FAM120B: variants seen among roughly 807,000 people sequenced by gnomAD.
The protein encoded by FAM120B is family with sequence similarity 120 member B.
Under a neutral mutation model 96.3 loss-of-function variants are expected in FAM120B, and 83 were observed. The observed-to-expected ratio is 0.86, with a 90% CI of 0.72 to 1.03. FAM120B has a LOEUF of 1.03. Ranked by LOEUF, FAM120B falls within the 50% of genes least tolerant of loss-of-function variation. The pLI, the probability that FAM120B is intolerant of heterozygous loss-of-function variation, is 0.00. For synonymous variants in FAM120B, 407 were observed against 402.7 expected (o/e 1.01, Z -0.13); for missense variants, 1,027 against 1,121.2 (o/e 0.92, Z 1.20).
intron 9 of FAM120B, among the ~76,000 whole-genome samples, chr6:170,400,544 C>T (rs1331869793): frequency 2.6e-5 from 4 of 152,152 alleles, no homozygotes; most frequent in Non-Finnish European, 4.4e-5. Context: ...CTTAGGGGAT[C>T]CCTGGACCAC....
Position 170,295,500 on chromosome 6 carries a change from C to T in FAM120B, c.48+47C>T. 1.4e-6 allele frequency: 1 copy of T among 691,932 alleles called. No individual in the cohort carries two copies. The highest frequency in any genetic ancestry group is 2.6e-6 in the Non-Finnish European group (1 of 379,920). 42.9% of individuals were successfully genotyped at this position (691,932 alleles called of 1,614,324 possible). A position where few individuals can be genotyped will look rare whatever the true frequency, so the allele number is the denominator to read the frequency against. ...ACAAGGCGCGCGGCCCCCAGGCAGCCGCGCTTCCACAGCGGGCAGGAGCGC... is the reference window on the plus strand; with the variant it reads ...ACAAGGCGCGCGGCCCCCAGGCAGCTGCGCTTCCACAGCGGGCAGGAGCGC... On this transcript the variant is annotated intron_variant, in intron 1 of 10. Transcript: ENST00000537664. The surrounding 1 kb of genome is among the most constrained non-coding windows in gnomAD (Gnocchi z 7.8).
intron 1 of FAM120B, among the ~76,000 whole-genome samples, chr6:170,296,473 G>A (rs1055474034): frequency 6.6e-6 from 1 of 151,820 alleles, no homozygotes; most frequent in African/African-American, 2.4e-5. Context: ...GGGCCCTCCC[G>A]GTGGACCCCA....
intron 4 of FAM120B, among the ~76,000 whole-genome samples, chr6:170,341,702 C>G (rs147054499): frequency 0.019 from 2,917 of 152,244 alleles, 99 homozygotes; most frequent in African/African-American, 0.067. Flanking sequence ...TGGATAGCAC[C>G]ATCCCTCATG....
At chr6:170,398,160 A>G (rs1278603669) in intron 9 of FAM120B, among the ~76,000 whole-genome samples, 2 of 152,174 alleles carry the variant, frequency 1.3e-5, no homozygotes, top group Non-Finnish European at 2.9e-5. Flanking sequence ...CACTGATGGG[A>G]CTCATCGCCA....
chr6:170,338,302 C>G (rs769158985), intron 4 of FAM120B, among the ~76,000 whole-genome samples: 1 of 152,184 alleles, frequency 6.6e-6, no homozygotes, highest in South Asian at 2.1e-4. Context: ...AGTAGTCATT[C>G]AGGAGCAGGC....
chr6:170,333,999 T>C (rs775304741), intron 4 of FAM120B, among the ~76,000 whole-genome samples: 8 of 152,190 alleles, frequency 5.3e-5, no homozygotes, highest in Non-Finnish European at 1.0e-4. Flanking sequence ...TTACTAACTT[T>C]CCTGACGTTC....
At chr6:170,316,652 A>G (rs1333001372) in intron 1 of FAM120B, among the ~76,000 whole-genome samples, 1 of 152,226 alleles carries the variant, frequency 6.6e-6, no homozygotes, top group Non-Finnish European at 1.5e-5. Flanking sequence ...CATTTGGCAT[A>G]GTGAATTTTA....
intron 6 of FAM120B, among the ~76,000 whole-genome samples, chr6:170,386,859 A>G (rs1790216096): frequency 6.6e-6 from 1 of 152,238 alleles, no homozygotes; most frequent in Non-Finnish European, 1.5e-5. Flanking sequence ...ATACTAACAA[A>G]TCAAATCCAG....
intron 6 of FAM120B, among the ~76,000 whole-genome samples, chr6:170,369,688 A>AG (rs201820627): frequency 7.2e-6 from 1 of 139,022 alleles, no homozygotes. Flanking sequence ...AACTTAGGGT[A>AG]GTTTTTTTTT....
intron 8 of FAM120B, among the ~76,000 whole-genome samples, chr6:170,393,031 G>A (rs2115324328): frequency 6.6e-6 from 1 of 152,192 alleles, no homozygotes; most frequent in Admixed American, 6.5e-5. Context: ...TCAGAAGTTT[G>A]CGCCGTGGCT....
intron 4 of FAM120B, among the ~76,000 whole-genome samples, chr6:170,333,610 T>G (rs1786215779): frequency 6.6e-6 from 1 of 151,188 alleles, no homozygotes; most frequent in African/African-American, 2.4e-5. Flanking sequence ...CTCCGCCTCC[T>G]GAGTAGCTGG....
chr6:170,303,933 A>G (rs550267837), upstream of FAM120B, among the ~76,000 whole-genome samples: 10 of 152,358 alleles, frequency 6.6e-5, no homozygotes, highest in African/African-American at 2.4e-4. Context: ...ATATTCATCC[A>G]TAACAGGCAT....
upstream of FAM120B, chr6:170,290,938 C>A (rs993375373): frequency 4.3e-6 from 3 of 698,744 alleles, no homozygotes; most frequent in African/African-American, 5.2e-5. The surrounding 1 kb of genome is among the most constrained non-coding windows in gnomAD (Gnocchi z 4.7). Context: ...TGGCTCTCGC[C>A]GGCGCCTGCC....
At chr6:170,354,177 T>C (rs1278990855) in intron 5 of FAM120B, among the ~76,000 whole-genome samples, 4 of 152,168 alleles carry the variant, frequency 2.6e-5, no homozygotes, top group Non-Finnish European at 1.5e-5. Context: ...AGGGAAAGAC[T>C]CCCTCTTTAA....
intron 5 of FAM120B, 98 bp from the exon 6 acceptor site, chr6:170,358,128 G>T (rs551778807): frequency 1.5e-5 from 15 of 1,010,874 alleles, no homozygotes; most frequent in Non-Finnish European, 2.2e-5. Flanking sequence ...GCATGTTTGC[G>T]CCTATACACA....
intron 1 of FAM120B, among the ~76,000 whole-genome samples, chr6:170,296,774 C>G (rs893234349): frequency 6.6e-6 from 1 of 152,108 alleles, no homozygotes; most frequent in Admixed American, 6.5e-5. Flanking sequence ...GGTCTCCGGC[C>G]CAGGCCCCTC....
At chr6:170,303,481 G>A (rs914598578), upstream of FAM120B, among the ~76,000 whole-genome samples, 4 of 152,202 alleles carry the variant, frequency 2.6e-5, no homozygotes, top group African/African-American at 9.7e-5. Context: ...GGCTCACAGA[G>A]TCCTCTTACC....
intron 6 of FAM120B, 131 bp downstream of exon 6, chr6:170,358,449 C>G (rs1788117509): frequency 1.5e-6 from 1 of 678,950 alleles, no homozygotes; most frequent in Non-Finnish European, 2.5e-6. Flanking sequence ...TTTCGTGATG[C>G]AGTAGTTTGT....
At chr6:170,303,116 T>C (rs915584263), upstream of FAM120B, among the ~76,000 whole-genome samples, 4 of 152,238 alleles carry the variant, frequency 2.6e-5, no homozygotes, top group African/African-American at 9.6e-5. Context: ...ATTCAAATGG[T>C]ATTTCTAGAT....
Sources: gnomAD v4.1 joint callset for allele counts (sites outside exome capture counted in the v4.1 genomes callset) on GRCh38, gnomAD v4.1.1 for gene constraint, Gnocchi (gnomAD v3.1) non-coding constraint, MANE v1.5 for transcripts, NCBI Gene and HGNC (gene_info 2026-07-23, HGNC 2026-07-21) for gene names.